ANKRD28: variants seen among roughly 807,000 people sequenced by gnomAD.
ANKRD28 encodes ankyrin repeat domain 28, also known as serine/threonine-protein phosphatase 6 regulatory ankyrin repeat subunit A.
A neutral mutation model predicts 126.5 loss-of-function variants in ANKRD28; 44 were observed. That is an observed-to-expected ratio of 0.35 (90% CI 0.27 to 0.45). ANKRD28 has a LOEUF of 0.45. Among genes scored for constraint, ANKRD28 ranks in the 20% least tolerant of loss-of-function variants. The probability of loss-of-function intolerance (pLI) is 1.00; values close to 1 mark genes in which losing one functional copy is unlikely to be tolerated. For synonymous variants in ANKRD28, 442 were observed against 468.5 expected (o/e 0.94, Z 0.73); for missense variants, 1,110 against 1,316.6 (o/e 0.84, Z 2.43).
chr3:15,806,844 T>G (rs1056706013), intron 1 of ANKRD28, among the ~76,000 whole-genome samples: 3 of 152,130 alleles, frequency 2.0e-5, no homozygotes, highest in African/African-American at 7.2e-5. Flanking sequence ...TTAATGGGCC[T>G]TCCACCAGTG....
chr3:15,811,426 T>C (rs2125884860), intron 1 of ANKRD28, among the ~76,000 whole-genome samples: 1 of 152,278 alleles, frequency 6.6e-6, no homozygotes, highest in East Asian at 1.9e-4. Flanking sequence ...AGCTACTGGA[T>C]AGGAGAAAAG....
intron 2 of ANKRD28, among the ~76,000 whole-genome samples, chr3:15,784,070 G>C (rs2059660614): frequency 6.6e-6 from 1 of 151,750 alleles, no homozygotes; most frequent in Non-Finnish European, 1.5e-5. Context: ...TAGAATTCTG[G>C]TACCCTGGGA....
rs1395415345 is a variant in ANKRD28 at position 15,843,104 on chromosome 3, C to A, written c.27+16273G>T. 2.0e-5 allele frequency among the ~76,000 whole-genome samples: 3 copies of A among 152,210 alleles called. No homozygotes were observed. Among genetic ancestry groups the A allele is most frequent in the African/African-American group, 7.2e-5 (3 of 41,452 alleles). On this transcript the variant is annotated intron_variant, in intron 1 of 27. Transcript: ENST00000399451. This position sits in a 1 kb window ranked among gnomAD's most constrained non-coding sequence, Gnocchi z 5.2. ...GGCTATACAGGAATCATAGTGGTAT[C>A]TGCTTCCAGGGAGGCCTCAAGAAGC...
intron 2 of ANKRD28, among the ~76,000 whole-genome samples, chr3:15,788,982 T>C (rs1364452289): frequency 1.3e-5 from 2 of 152,130 alleles, no homozygotes; most frequent in African/African-American, 2.4e-5. Flanking sequence ...TAAGAAGATA[T>C]GAAAATCTAG....
chr3:15,725,924 T>C (rs1016230590), intron 6 of ANKRD28, among the ~76,000 whole-genome samples: 1 of 152,142 alleles, frequency 6.6e-6, no homozygotes, highest in Non-Finnish European at 1.5e-5. Context: ...ACACCTGTAG[T>C]TCCAGCTACT....
chr3:15,723,115 T>G (rs931521362), intron 7 of ANKRD28, among the ~76,000 whole-genome samples: 3 of 152,158 alleles, frequency 2.0e-5, no homozygotes, highest in Admixed American at 6.5e-5. Context: ...AGAAACAAAG[T>G]TGCCTCATTT....
intron 8 of ANKRD28, among the ~76,000 whole-genome samples, chr3:15,717,713 T>C (rs1287862663): frequency 1.3e-5 from 2 of 152,110 alleles, no homozygotes; most frequent in African/African-American, 2.4e-5. Flanking sequence ...TAAAGAACAA[T>C]GTGGGTGGGA....
At chr3:15,697,440 A>G (rs2069792458) in intron 14 of ANKRD28, 1 of 152,164 alleles carries the variant, frequency 6.6e-6, no homozygotes, top group East Asian at 1.9e-4. Flanking sequence ...TATCTATGTA[A>G]CCAAAAACCA....
chr3:15,841,280 C>T (rs1279637564), intron 1 of ANKRD28, among the ~76,000 whole-genome samples: 1 of 152,212 alleles, frequency 6.6e-6, no homozygotes, highest in Non-Finnish European at 1.5e-5. Flanking sequence ...AGGACACTGA[C>T]TGGGCAAAGA....
At chr3:15,805,184 C>T (rs1268341867) in intron 1 of ANKRD28, among the ~76,000 whole-genome samples, 1 of 115,722 alleles carries the variant, frequency 8.6e-6, no homozygotes, top group East Asian at 9.7e-4. Context: ...GTAAAAAATT[C>T]AACAGGCCAA....
chr3:15,834,146 T>A (rs547314948), intron 1 of ANKRD28, among the ~76,000 whole-genome samples: 2 of 152,302 alleles, frequency 1.3e-5, no homozygotes, highest in South Asian at 2.1e-4. Context: ...CCTAGACCAA[T>A]GTCCAGAATT....
chr3:15,797,407 C>T lies in ANKRD28; in HGVS notation c.-886G>A. 1.0e-6 allele frequency: 1 copy of T among 985,364 alleles called. No individual in the cohort carries two copies. The highest frequency in any genetic ancestry group is 1.2e-6 in the Non-Finnish European group (1 of 829,952). The allele number at this position is 985,364 out of a possible 1,614,324, so 61.0% of individuals were successfully genotyped here. ...CAAGGCAGAGCGTTCATTCTTTCTCCATCAGGCAGTTGTCTGTGGCTGCTC... is the reference window on the plus strand; with the variant it reads ...CAAGGCAGAGCGTTCATTCTTTCTCTATCAGGCAGTTGTCTGTGGCTGCTC... On this transcript the variant is annotated 5_prime_UTR_variant, in exon 1 of 28. An upstream start codon of the reference 5' UTR is lost. Coordinates refer to ENST00000683139, the MANE Select transcript of ANKRD28 (RefSeq NM_001349278.2).
intron 14 of ANKRD28, chr3:15,697,258 A>G (rs540479387): frequency 3.9e-5 from 6 of 153,382 alleles, no homozygotes; most frequent in African/African-American, 9.6e-5. Context: ...CACAAAAATG[A>G]TAGAATGGAC....
chr3:15,708,112 C>T, intron 13 of ANKRD28, 48 bp from the exon 14 acceptor site: 1 of 1,552,266 alleles, frequency 6.4e-7, no homozygotes, highest in Non-Finnish European at 8.7e-7. Flanking sequence ...AGAGACATAA[C>T]TAGTAAACAA....
At chr3:15,831,736 C>T (rs1431493716) in intron 1 of ANKRD28, among the ~76,000 whole-genome samples, 1 of 152,190 alleles carries the variant, frequency 6.6e-6, no homozygotes, top group Non-Finnish European at 1.5e-5. Flanking sequence ...AGCAATTGCA[C>T]ATTCTGAGTT....
At chr3:15,808,860 T>C (rs1352627101) in intron 1 of ANKRD28, among the ~76,000 whole-genome samples, 1 of 152,218 alleles carries the variant, frequency 6.6e-6, no homozygotes, top group Non-Finnish European at 1.5e-5. Context: ...TATTACAAAA[T>C]CATCATTATT....
At chr3:15,690,723 C>G (rs1179044828) in intron 17 of ANKRD28, among the ~76,000 whole-genome samples, 3 of 152,112 alleles carry the variant, frequency 2.0e-5, no homozygotes, top group Admixed American at 6.6e-5. Context: ...CGTCACCATG[C>G]CCAGCTAATT....
chr3:15,779,895 G>C (rs543158104), intron 2 of ANKRD28, among the ~76,000 whole-genome samples: 3 of 152,158 alleles, frequency 2.0e-5, no homozygotes, highest in African/African-American at 7.2e-5. Context: ...GCTTTTTGTA[G>C]AATAATAAAA....
Position 15,766,280 on chromosome 3 carries a change from T to C in ANKRD28, c.234A>G (p.Ala78=). The change falls in exon 3 of 28, where the codon GCA becomes GCG. Residue 78 remains alanine, a synonymous_variant. Coordinates refer to ENST00000683139, the MANE Select transcript of ANKRD28 (RefSeq NM_001349278.2). The stretch of plus-strand genomic sequence containing the variant: ...TGATTTCTGCATCTCCAAGGTAAGC[T>C]GCGGCGTGCAATGGGGTTCGCTTTT... ...DNEKRTPLHA[A]AYLGDAEIIE... The C allele has an allele frequency of 6.2e-7, 1 of 1,611,800 alleles. No individual in the cohort carries two copies. Among genetic ancestry groups the C allele is most frequent in the Non-Finnish European group, 8.5e-7 (1 of 1,178,498 alleles).
Sources: allele counts gnomAD v4.1 joint callset (sites outside exome capture counted in the v4.1 genomes callset), GRCh38; gene constraint gnomAD v4.1.1; non-coding constraint Gnocchi (gnomAD v3.1); transcripts MANE v1.5; gene names NCBI Gene and HGNC (gene_info 2026-07-23, HGNC 2026-07-21).